The following GRIK1 variants were observed in gnomAD, a reference collection of about 807,000 sequenced individuals.
GRIK1 encodes glutamate receptor ionotropic, kainate 1.
A neutral mutation model predicts 105.7 loss-of-function variants in GRIK1; 69 were observed. The observed-to-expected ratio is 0.65, with a 90% confidence interval of 0.54 to 0.80. The LOEUF is 0.80. Ranked by LOEUF, GRIK1 falls within the 30% of genes least tolerant of loss-of-function variation. The probability of loss-of-function intolerance (pLI) is 0.00; values close to 1 mark genes in which losing one functional copy is unlikely to be tolerated. For missense variants in GRIK1, 1,109 were observed against 1,167.3 expected (o/e 0.95, Z 0.73); for synonymous variants, 438 against 431.3 (o/e 1.02, Z -0.19).
intron 4 of GRIK1, among the ~76,000 whole-genome samples, chr21:29,665,659 G>T (rs1207497522): frequency 6.6e-6 from 1 of 152,208 alleles, no homozygotes; most frequent in Non-Finnish European, 1.5e-5. Flanking sequence ...TCACGTGTAT[G>T]CATGGAAGCT....
chr21:29,817,573 G>C (rs1048131439), intron 1 of GRIK1, among the ~76,000 whole-genome samples: 3 of 152,028 alleles, frequency 2.0e-5, no homozygotes, highest in Non-Finnish European at 4.4e-5. Flanking sequence ...GAAGACACCT[G>C]AGTCATCTTG....
intron 1 of GRIK1, among the ~76,000 whole-genome samples, chr21:29,737,769 C>T (rs938228126): frequency 2.0e-5 from 3 of 152,202 alleles, no homozygotes; most frequent in Non-Finnish European, 2.9e-5. Context: ...ACCCTCCACT[C>T]TGGAAACATG....
intron 1 of GRIK1, among the ~76,000 whole-genome samples, chr21:29,701,830 T>C (rs1298740087): frequency 6.6e-6 from 1 of 152,182 alleles, no homozygotes; most frequent in Non-Finnish European, 1.5e-5. Context: ...AGTGGTTGAA[T>C]TCTAGATAAA....
At chr21:29,834,560 A>G (rs1359878332) in intron 1 of GRIK1, among the ~76,000 whole-genome samples, 2 of 150,832 alleles carry the variant, frequency 1.3e-5, no homozygotes, top group Non-Finnish European at 3.0e-5. Context: ...TAAGAGTGAT[A>G]AAGAGCATGG....
rs34910439 is a variant in GRIK1 at position 29,541,575 on chromosome 21, C to CTTTTTTTTTTTTTTTTTTTTTTTTTTT, written c.2608-3692_2608-3691insAAAAAAAAAAAAAAAAAAAAAAAAAAA. Among the ~76,000 whole-genome samples the CTTTTTTTTTTTTTTTTTTTTTTTTTTT allele has an allele frequency of 5.2e-4, 50 of 95,960 alleles. 3 individuals are homozygous for CTTTTTTTTTTTTTTTTTTTTTTTTTTT. Among genetic ancestry groups the CTTTTTTTTTTTTTTTTTTTTTTTTTTT allele is most frequent in the East Asian group, 1.3e-3 (4 of 3,148 alleles). 63.0% of individuals were successfully genotyped at this position (95,960 alleles called of 152,430 possible). A position where few individuals can be genotyped will look rare whatever the true frequency, so the allele number is the denominator to read the frequency against. The stretch of plus-strand genomic sequence containing the variant: ...CTATGCCATTCATTGCACTCACGGT[C>CTTTTTTTTTTTTTTTTTTTTTTTTTTT]TTTTTTTTTTTTTTTTTTTTTGTGG... On this transcript the variant is annotated intron_variant, in intron 16 of 17. Transcript: ENST00000327783.
In GRIK1 at chr21:29,893,188, A is replaced by G. The variant is rs549108412; in HGVS notation, c.118+46195T>C. ...AGAGATGAAGTGATTTCATTCACAC[A>G]TTCATTCATTCTTTTAGCACAAGCT... On this transcript the variant is annotated intron_variant, in intron 1 of 17. Transcript: ENST00000327783. Among the ~76,000 whole-genome samples, 6 of 152,358 alleles carry G rather than the reference A, an allele frequency of 3.9e-5. No individual in the cohort carries two copies. The East Asian group carries it at 1.2e-3, about 29-fold the overall frequency.
rs2091154210 is a variant in GRIK1, at chr21:29,587,474, C to T, written c.1685G>A (p.Gly562Asp). 6.2e-7 allele frequency: 1 copy of T among 1,612,964 alleles called. No individual in the cohort carries two copies. The highest frequency in any genetic ancestry group is 1.3e-5 in the African/African-American group (1 of 74,888). ...GISILYRKPN[G>D]TNPGVFSFLN... Reference sequence around the variant, plus strand: ...GAAGGAGAAAACGCCTGGATTGGTACCATTGGGCTTCCGGTAGAGAATGCT... The same window carrying T: ...GAAGGAGAAAACGCCTGGATTGGTATCATTGGGCTTCCGGTAGAGAATGCT... The change falls in exon 12 of 18, where the codon GGT (glycine) becomes GAT (aspartate). Residue 562 changes from glycine (G) to aspartate (D), a missense_variant. Physicochemically the swap from Gly to Asp is moderately conservative, Grantham distance 94. Around this residue, in one of 5 missense-constraint regions of GRIK1, gnomAD observed 264 missense variants for 306.9 expected, o/e 0.86. Coordinates refer to ENST00000327783, the MANE Select transcript of GRIK1 (RefSeq NM_001330994.2).
At chr21:29,664,058 G>A (rs2063015825) in intron 4 of GRIK1, among the ~76,000 whole-genome samples, 1 of 152,210 alleles carries the variant, frequency 6.6e-6, no homozygotes, top group Non-Finnish European at 1.5e-5. Context: ...CTTGGTTTCT[G>A]GCTGCAGTAA....
chr21:29,865,622 G>A (rs543710723), intron 1 of GRIK1, among the ~76,000 whole-genome samples: 4 of 152,352 alleles, frequency 2.6e-5, no homozygotes, highest in African/African-American at 7.2e-5. Context: ...AGGAGGATAT[G>A]ATTGCATAAA....
At chr21:29,747,968 A>T (rs2065088404) in intron 1 of GRIK1, among the ~76,000 whole-genome samples, 1 of 152,226 alleles carries the variant, frequency 6.6e-6, no homozygotes, top group Non-Finnish European at 1.5e-5. Context: ...GAATTTAAAC[A>T]TGCTTAATCC....
intron 14 of GRIK1, among the ~76,000 whole-genome samples, chr21:29,573,180 C>T (rs2090796796): frequency 6.6e-6 from 1 of 152,130 alleles, no homozygotes; most frequent in Non-Finnish European, 1.5e-5. Flanking sequence ...TCACATTCTT[C>T]CTCTCTGAGG....
chr21:29,691,241 G>A (rs1435385159), intron 2 of GRIK1, among the ~76,000 whole-genome samples: 2 of 152,172 alleles, frequency 1.3e-5, no homozygotes, highest in African/African-American at 4.8e-5. Flanking sequence ...AACCCGGGAG[G>A]CAGAGATTGC....
intron 1 of GRIK1, among the ~76,000 whole-genome samples, chr21:29,900,205 T>C (rs1377979808): frequency 6.6e-6 from 1 of 151,932 alleles, no homozygotes; most frequent in African/African-American, 2.4e-5. Context: ...CCATCAATGC[T>C]ATGAAGAAAC....
intron 1 of GRIK1, among the ~76,000 whole-genome samples, chr21:29,720,663 G>A (rs957958188): frequency 2.0e-5 from 3 of 151,966 alleles, no homozygotes; most frequent in Non-Finnish European, 4.4e-5. Context: ...CTTCTACTTC[G>A]CCTGCTGGAA....
chr21:29,770,677 T>C (rs2065792264), intron 1 of GRIK1, among the ~76,000 whole-genome samples: 1 of 152,262 alleles, frequency 6.6e-6, no homozygotes, highest in Non-Finnish European at 1.5e-5. Flanking sequence ...TACCACTTCT[T>C]GTTCCAACTT....
At chr21:29,789,346 C>G (rs2066348344) in intron 1 of GRIK1, among the ~76,000 whole-genome samples, 1 of 152,104 alleles carries the variant, frequency 6.6e-6, no homozygotes, top group South Asian at 2.1e-4. Flanking sequence ...TTGACTTAAC[C>G]AAACTTCAAT....
chr21:29,579,293 C>T (rs79235437), intron 13 of GRIK1, among the ~76,000 whole-genome samples: 290 of 152,056 alleles, frequency 1.9e-3, no homozygotes, highest in African/African-American at 6.7e-3. Flanking sequence ...TGTAATTCTC[C>T]ATGTTAGTTA....
At chr21:29,911,030 C>T (rs1434937378) in intron 1 of GRIK1, among the ~76,000 whole-genome samples, 2 of 152,116 alleles carry the variant, frequency 1.3e-5, no homozygotes, top group Middle Eastern at 3.4e-3. Context: ...ATAACAATAA[C>T]AACAGCTGTA....
chr21:29,787,029 G>A (rs917031595), intron 1 of GRIK1, among the ~76,000 whole-genome samples: 1 of 152,042 alleles, frequency 6.6e-6, no homozygotes, highest in Non-Finnish European at 1.5e-5. Flanking sequence ...CCTCTTTAAT[G>A]AATGGATATT....
Sources: allele counts gnomAD v4.1 joint callset (sites outside exome capture counted in the v4.1 genomes callset), GRCh38; gene constraint gnomAD v4.1.1; regional missense constraint gnomAD v4.1.1; transcripts MANE v1.5; gene names NCBI Gene and HGNC (gene_info 2026-07-23, HGNC 2026-07-21).